The following MAN1A2 variants were observed in gnomAD, a reference collection of about 807,000 sequenced individuals.
MAN1A2 encodes the protein mannosidase alpha class 1A member 2.
MAN1A2 carries 26 observed loss-of-function variants against 75.7 expected under a neutral mutation model. The ratio of observed to expected loss-of-function variants is 0.34; its 90% confidence interval spans 0.25 to 0.48. MAN1A2 has a LOEUF of 0.48. Ranked by LOEUF, MAN1A2 falls within the 20% of genes least tolerant of loss-of-function variation. The probability of loss-of-function intolerance (pLI) is 0.99; values close to 1 mark genes in which losing one functional copy is unlikely to be tolerated. For synonymous variants in MAN1A2, 247 were observed against 264.6 expected, an observed-to-expected ratio of 0.93 and a Z score of 0.65; for missense variants, 562 against 775.5, an observed-to-expected ratio of 0.72 and a Z score of 3.27.
intron 1 of MAN1A2, among the ~76,000 whole-genome samples, chr1:117,375,193 C>G (rs1383594801): frequency 6.6e-6 from 1 of 152,188 alleles, no homozygotes; most frequent in Non-Finnish European, 1.5e-5. Context: ...CAGTCCTTGA[C>G]TGAGGCCTCA....
rs3835644 is a variant in MAN1A2, at chr1:117,509,816, C to CA, written c.1793+6858dup. ...AAATAGTGCAGAACTGAAGAAATGA[C>CA]AAAAAAAAAAAATGAGTTTCTTTGT... is the stretch of plus-strand genomic sequence containing the variant. On this transcript the variant is annotated intron_variant, in intron 12 of 12. Coordinates refer to ENST00000356554, the MANE Select transcript of MAN1A2 (RefSeq NM_006699.5). Among the ~76,000 whole-genome samples the CA allele has an allele frequency of 6.0e-3, 884 of 148,478 alleles. 5 individuals carry two copies. Among genetic ancestry groups the CA allele is most frequent in the African/African-American group, 0.014 (561 of 40,704 alleles).
intron 12 of MAN1A2, among the ~76,000 whole-genome samples, chr1:117,520,196 A>G (rs1651830784): frequency 6.6e-6 from 1 of 152,086 alleles, no homozygotes; most frequent in Admixed American, 6.6e-5. Flanking sequence ...ACCAACTGTG[A>G]CAAACCCACA....
chr1:117,494,606 C>T (rs1025472640), intron 9 of MAN1A2: 1 of 151,722 alleles, frequency 6.6e-6, no homozygotes, highest in African/African-American at 2.4e-5. Context: ...CAGTGTTTTG[C>T]CCATTATAGG....
intron 1 of MAN1A2, among the ~76,000 whole-genome samples, chr1:117,372,216 CAG>C (rs1302181161): frequency 6.6e-6 from 1 of 152,042 alleles, no homozygotes; most frequent in Non-Finnish European, 1.5e-5. Flanking sequence ...GGCTGGGTCA[CAG>C]AGGATATATT....
At chr1:117,478,855 T>A (rs58201763) in intron 8 of MAN1A2, among the ~76,000 whole-genome samples, 39,222 of 151,836 alleles carry the variant, frequency 0.26, 5,721 homozygotes, top group East Asian at 0.47. Context: ...GCCTTCCAAA[T>A]TTGTTCTTTC....
chr1:117,479,611 T>G (rs1029666178), intron 8 of MAN1A2, among the ~76,000 whole-genome samples: 1 of 151,972 alleles, frequency 6.6e-6, no homozygotes, highest in African/African-American at 2.4e-5. Flanking sequence ...CAGCATTTTT[T>G]ATTTTTTGAC....
At chr1:117,376,892 T>C (rs1441423044) in intron 1 of MAN1A2, among the ~76,000 whole-genome samples, 1 of 152,232 alleles carries the variant, frequency 6.6e-6, no homozygotes, top group Non-Finnish European at 1.5e-5. Flanking sequence ...ATATTAGGTA[T>C]TATAAGTAAG....
chr1:117,421,129 C>T (rs1007363793), intron 5 of MAN1A2, among the ~76,000 whole-genome samples: 5 of 152,006 alleles, frequency 3.3e-5, no homozygotes, highest in Admixed American at 1.3e-4. Flanking sequence ...CACATGGAGA[C>T]ACTTGAGACC....
intron 1 of MAN1A2, among the ~76,000 whole-genome samples, chr1:117,382,468 G>A (rs922568442): frequency 6.6e-6 from 1 of 152,092 alleles, no homozygotes; most frequent in Non-Finnish European, 1.5e-5. Context: ...TTTTTCTCAG[G>A]TTTGTCGAAG....
chr1:117,505,267 A>G (rs1468974003), intron 12 of MAN1A2, among the ~76,000 whole-genome samples: 2 of 151,330 alleles, frequency 1.3e-5, no homozygotes, highest in Non-Finnish European at 3.0e-5. Context: ...TGGCTTTCAT[A>G]ATTAATTCTC....
chr1:117,493,561 A>T (rs1180268653), intron 9 of MAN1A2: 1 of 191,514 alleles, frequency 5.2e-6, no homozygotes, highest in Non-Finnish European at 1.1e-5. Flanking sequence ...TAGGCAGATC[A>T]CTTGAGGTCA....
chr1:117,427,798 CAG>C (rs1455732232), intron 5 of MAN1A2, among the ~76,000 whole-genome samples: 1 of 152,144 alleles, frequency 6.6e-6, no homozygotes, highest in African/African-American at 2.4e-5. Flanking sequence ...TCAGAAACCA[CAG>C]AGATTACTTT....
chr1:117,517,331 G>A (rs138418646), intron 12 of MAN1A2, among the ~76,000 whole-genome samples: 77 of 152,258 alleles, frequency 5.1e-4, no homozygotes, highest in African/African-American at 1.8e-3. Context: ...CAATAATTAT[G>A]AAAATAAAAC....
rs1570815680 is a variant in MAN1A2, at chr1:117,528,477, A to C, written c.*5520A>C. The C allele has an allele frequency of 6.6e-6, 1 of 152,114 alleles. No homozygotes were observed. Among genetic ancestry groups the C allele is most frequent in the Non-Finnish European group, 1.5e-5 (1 of 68,004 alleles). The allele number at this position is 152,114 out of a possible 1,614,324, so 9.4% of individuals were successfully genotyped here. A position where few individuals can be genotyped will look rare whatever the true frequency, so the allele number is the denominator to read the frequency against. On this transcript the variant is annotated 3_prime_UTR_variant, in exon 13 of 13. Transcript: ENST00000356554. ...CCTATACACATACATATTAATATGC[A>C]GAGGATTTTAAATAATTGCAAATGT...
At chr1:117,493,892 A>G (rs1295381886) in intron 9 of MAN1A2, 4 of 152,056 alleles carry the variant, frequency 2.6e-5, no homozygotes, top group Non-Finnish European at 4.4e-5. Context: ...CTTTATATAC[A>G]TTTTCATAAA....
Position 117,524,598 on chromosome 1 carries a change from GACTT to G in MAN1A2, c.*1643_*1646del, listed in dbSNP as rs915773343. ...AAACTTAGGTTTTAAGTTGGGGAAA[GACTT>G]AATTAACTAATATAGTATTTTCTAA... On this transcript the variant is annotated 3_prime_UTR_variant, in exon 13 of 13. Coordinates refer to ENST00000356554, the MANE Select transcript of MAN1A2 (RefSeq NM_006699.5). The G allele has an allele frequency of 6.6e-6, 1 of 151,690 alleles. No homozygotes were observed. The highest frequency in any genetic ancestry group is 1.9e-4 in the East Asian group (1 of 5,178). The allele number at this position is 151,690 out of a possible 1,614,324, so 9.4% of individuals were successfully genotyped here.
chr1:117,429,723 C>G (rs1648532111), intron 5 of MAN1A2, among the ~76,000 whole-genome samples: 1 of 100,238 alleles, frequency 1.0e-5, no homozygotes, highest in South Asian at 3.5e-4. Flanking sequence ...CCCCCCCCAC[C>G]TCCCTCCCGG....
chr1:117,423,907 A>T (rs893681716), intron 5 of MAN1A2, among the ~76,000 whole-genome samples: 3 of 127,896 alleles, frequency 2.3e-5, no homozygotes, highest in African/African-American at 8.9e-5. Context: ...TTTGAGACGG[A>T]GTTTTGCTCT....
At chr1:117,419,623 G>A (rs1648122173) in intron 4 of MAN1A2, among the ~76,000 whole-genome samples, 1 of 151,978 alleles carries the variant, frequency 6.6e-6, no homozygotes, top group African/African-American at 2.4e-5. Flanking sequence ...AATTAACTAT[G>A]AATGTTTTTA....
Sources: gnomAD v4.1 joint callset for allele counts (sites outside exome capture counted in the v4.1 genomes callset) on GRCh38, gnomAD v4.1.1 for gene constraint, MANE v1.5 for transcripts, NCBI Gene and HGNC (gene_info 2026-07-23, HGNC 2026-07-21) for gene names.